Variants in GJB6 observed in about 807,000 individuals in gnomAD.
GJB6 encodes the protein gap junction protein beta 6.
In GJB6, 5 loss-of-function variants were observed where a neutral mutation model predicts 5.4. The ratio of observed to expected loss-of-function variants is 0.92; its 90% CI spans 0.48 to 1.93. GJB6 has a LOEUF of 1.93. Ranked by LOEUF, GJB6 falls within the 30% of genes most tolerant of loss-of-function variation. The pLI, the probability that GJB6 is intolerant of heterozygous loss-of-function variation, is 0.01. For synonymous variants in GJB6, 136 were observed against 129.6 expected (o/e 1.05, Z -0.34); for missense variants, 298 against 326.9 (o/e 0.91, Z 0.68).
At chr13:20,224,388 A>G (rs1002389631) in intron 4 of GJB6, among the ~76,000 whole-genome samples, 1 of 152,228 alleles carries the variant, frequency 6.6e-6, no homozygotes, top group African/African-American at 2.4e-5. Context: ...AATATTGTCA[A>G]CTACTGAGAA....
chr13:20,226,244 G>A (rs569349832), intron 4 of GJB6, among the ~76,000 whole-genome samples: 1 of 149,250 alleles, frequency 6.7e-6, no homozygotes, highest in South Asian at 2.1e-4. Context: ...CTAGGACTAA[G>A]AACTGGATCT....
intron 2 of GJB6, 146 bp from the exon 3 acceptor site, chr13:20,230,953 G>A (rs1870040632): frequency 6.6e-6 from 1 of 152,178 alleles, no homozygotes; most frequent in South Asian, 2.1e-4. Flanking sequence ...GTGGCAATGA[G>A]GCGCTCTCCA....
chr13:20,227,103 C>A (rs1869638759), intron 4 of GJB6, among the ~76,000 whole-genome samples: 1 of 152,150 alleles, frequency 6.6e-6, no homozygotes, highest in Admixed American at 6.5e-5. Context: ...AAGCAGGGTC[C>A]CTGACCTCTG....
chr13:20,229,464 G>C (rs1358926714), intron 4 of GJB6, 116 bp downstream of exon 4: 1 of 151,796 alleles, frequency 6.6e-6, no homozygotes, highest in Non-Finnish European at 1.5e-5. Context: ...CATCTAGGGA[G>C]TAGTTGATAG....
intron 4 of GJB6, among the ~76,000 whole-genome samples, chr13:20,225,843 C>T (rs151314715): frequency 1.3e-5 from 2 of 152,148 alleles, no homozygotes; most frequent in African/African-American, 4.8e-5. Context: ...CCTCTGCTAT[C>T]GTTGGGAGGT....
At chr13:20,229,140 AAAAAAAAAAAT>A (rs1354257295) in intron 4 of GJB6, among the ~76,000 whole-genome samples, 64 of 144,758 alleles carry the variant, frequency 4.4e-4, no homozygotes, top group African/African-American at 1.2e-3. Flanking sequence ...AAAAAAAAAA[AAAAAAAAAAAT>A]TTTTTTTTTT....
At chr13:20,224,427 T>C (rs1869439447) in intron 4 of GJB6, among the ~76,000 whole-genome samples, 1 of 152,226 alleles carries the variant, frequency 6.6e-6, no homozygotes, top group Non-Finnish European at 1.5e-5. Flanking sequence ...TTCACAATCT[T>C]TTATAAAGAT....
intron 4 of GJB6, chr13:20,225,136 TG>T (rs1276662895): frequency 1.3e-5 from 2 of 152,244 alleles, no homozygotes; most frequent in African/African-American, 4.8e-5. Context: ...TCTGAGAAAT[TG>T]TTTTTTTTGC....
chr13:20,228,480 G>GT (rs71306168), intron 4 of GJB6, among the ~76,000 whole-genome samples: 1,288 of 118,012 alleles, frequency 0.011, 10 homozygotes, highest in Non-Finnish European at 0.014. Flanking sequence ...TTTGTTTTTT[G>GT]TTTTTGTTTT....
At chr13:20,228,951 A>C (rs1400872627) in intron 4 of GJB6, among the ~76,000 whole-genome samples, 2 of 151,892 alleles carry the variant, frequency 1.3e-5, no homozygotes, top group Non-Finnish European at 2.9e-5. Context: ...TGCACTAATG[A>C]AATTTCTTGA....
chr13:20,223,176 G>A lies in GJB6; in HGVS notation c.305C>T (p.Thr102Ile). The A allele has an allele frequency of 1.9e-5, 31 of 1,613,408 alleles. No homozygotes were observed. Among genetic ancestry groups the A allele is most frequent in the Non-Finnish European group, 2.6e-5 (31 of 1,179,440 alleles). ...AMHVAYYRHE[T>I]TRKFRRGEKR... ...CTCTCCTCGCCTGAACTTGCGAGTG[G>A]TTTCGTGCCTGTAGTAGGCCACATG... The change falls in exon 5 of 5, where the codon ACC becomes ATC. Residue 102 changes from threonine (T) to isoleucine (I), a missense_variant. Transcript: ENST00000647029.
In GJB6 at chr13:20,223,252, AC is replaced by A. The variant is rs751484173; in HGVS notation, c.228del (p.Trp77GlyfsTer5). ...DHFFPVSHIR[L>X]WALQLIFVST... Reference sequence around the variant, plus strand: ...GAGACGAAGATCAGCTGGAGGGCCCACAGCCGGATGTGGGACACCGGGAAAA... The same window carrying A: ...GAGACGAAGATCAGCTGGAGGGCCCAAGCCGGATGTGGGACACCGGGAAAA... On this transcript the variant is annotated frameshift_variant, in exon 5 of 5. Coordinates refer to ENST00000647029, the MANE Select transcript of GJB6 (RefSeq NM_001110219.3). LOFTEE classifies it high-confidence loss of function. 1.6e-5 allele frequency: 26 copies of A among 1,611,356 alleles called. No homozygotes were observed. In the East Asian group the frequency reaches 4.9e-4, roughly 30 times the overall value.
In GJB6 at chr13:20,232,271, G is replaced by C. The variant is rs1301737973; in HGVS notation, c.-497C>G. ...CGCTCCGGCTGGGCAGGCAGGTCGG[G>C]CTCGGGCGCCGCCGGCTGTCGGGCT... On this transcript the variant is annotated 5_prime_UTR_variant, in exon 1 of 5. Transcript: ENST00000647029. 6.6e-6 allele frequency: 1 copy of C among 152,054 alleles called. No homozygotes were observed. The highest frequency in any genetic ancestry group is 1.9e-4 in the East Asian group (1 of 5,172). 9.4% of individuals were successfully genotyped at this position (152,054 alleles called of 1,614,324 possible). A position where few individuals can be genotyped will look rare whatever the true frequency, so the allele number is the denominator to read the frequency against.
Position 20,223,347 on chromosome 13 carries a change from C to A in GJB6, c.134G>T (p.Gly45Val). The A allele has an allele frequency of 1.2e-6, 2 of 1,614,140 alleles. No homozygotes were observed. Among genetic ancestry groups the A allele is most frequent in the Non-Finnish European group, 1.7e-6 (2 of 1,180,016 alleles). Residue 45 changes from glycine (G) to valine (V), a missense_variant, in exon 5 of 5, where the codon GGT becomes GTT. By Grantham distance (109) the Gly-to-Val change is moderately radical (BLOSUM62 -3). Transcript: ENST00000647029. ...GCAGACGAAGTCCTCTTGCTCGTCA[C>A]CCCACACTTCCTGGGCAGCCACCAC... ...ILVVAAQEVWGDEQEDFVCNT... is the reference protein window; with the variant it reads ...ILVVAAQEVWVDEQEDFVCNT...
At position 20,228,736 on chromosome 13, in the gene GJB6, G is replaced by T. The variant is rs577127609; in HGVS notation, c.-16+844C>A. On this transcript the variant is annotated intron_variant, in intron 4 of 4. Coordinates refer to ENST00000647029, the MANE Select transcript of GJB6 (RefSeq NM_001110219.3). ...CCTGACCTCATGATCCGCCCCCCTTGGCCTCCCAAAGTGCTGGGATTACAA... is the reference window on the plus strand; with the variant it reads ...CCTGACCTCATGATCCGCCCCCCTTTGCCTCCCAAAGTGCTGGGATTACAA... Among the ~76,000 whole-genome samples, 345 of 151,622 alleles carry T rather than the reference G, an allele frequency of 2.3e-3. 3 individuals are homozygous for T. The highest frequency in any genetic ancestry group is 8.0e-3 in the African/African-American group (329 of 41,382).
At chr13:20,225,497 A>AT (rs1555343790) in intron 4 of GJB6, 2 of 151,518 alleles carry the variant, frequency 1.3e-5, no homozygotes, top group Non-Finnish European at 2.9e-5. Flanking sequence ...GTATACTACT[A>AT]TTTTTTCAAG....
chr13:20,229,699 G>T lies in GJB6; in HGVS notation c.-135C>A, dbSNP rs569845503. On this transcript the variant is annotated 5_prime_UTR_variant, in exon 4 of 5. Coordinates refer to ENST00000647029, the MANE Select transcript of GJB6 (RefSeq NM_001110219.3). ...ACTGGAGTGCCTAGAAGCCAATGGT[G>T]CACAGTGATGATACGAATGTCAATC... 6.6e-6 allele frequency: 1 copy of T among 152,012 alleles called. No individual in the cohort carries two copies. Among genetic ancestry groups the T allele is most frequent in the East Asian group, 1.9e-4 (1 of 5,152 alleles). 9.4% of individuals were successfully genotyped at this position (152,012 alleles called of 1,614,324 possible).
chr13:20,227,867 G>A (rs1275438962), intron 4 of GJB6, among the ~76,000 whole-genome samples: 1 of 152,168 alleles, frequency 6.6e-6, no homozygotes, highest in Non-Finnish European at 1.5e-5. Context: ...GGCAGTAAAC[G>A]CAGGAGACTC....
At position 20,223,049 on chromosome 13, in the gene GJB6, G is replaced by T. The variant is rs1566538411; in HGVS notation, c.432C>A (p.Ile144=). The T allele has an allele frequency of 6.2e-7, 1 of 1,613,314 alleles. No homozygotes were observed. The change falls in exon 5 of 5, where the codon ATC becomes ATA. Residue 144 remains isoleucine, a synonymous_variant. Coordinates refer to ENST00000647029, the MANE Select transcript of GJB6 (RefSeq NM_001110219.3). ...CATACATAAAGGCTGCTTCAAAGAT[G>T]ATTCGGAAAAAGATGCTGCTGGTGT... ...WTYTSSIFFR[I]IFEAAFMYVF... is the part of the protein sequence containing the mutation.
Sources: allele counts gnomAD v4.1 joint callset (sites outside exome capture counted in the v4.1 genomes callset), GRCh38; gene constraint gnomAD v4.1.1; transcripts MANE v1.5; gene names NCBI Gene and HGNC (gene_info 2026-07-23, HGNC 2026-07-21).